STK32B: variants seen among roughly 807,000 people sequenced by gnomAD.
The protein encoded by STK32B is serine/threonine kinase 32B, also known as serine/threonine-protein kinase 32B.
A neutral mutation model predicts 52.6 loss-of-function variants in STK32B; 43 were observed. The observed-to-expected ratio is 0.82, with a 90% CI of 0.64 to 1.05. The LOEUF (loss-of-function observed/expected upper bound fraction) is 1.05. Among genes scored for constraint, STK32B ranks in the 50% least tolerant of loss-of-function variants. STK32B has a pLI of 0.00. For missense variants in STK32B, 621 were observed against 534.6 expected, an observed-to-expected ratio of 1.16 and a Z score of -1.59; for synonymous variants, 238 against 204.3, an observed-to-expected ratio of 1.17 and a Z score of -1.41.
chr4:5,491,992 TA>T (rs1311701909), intron 11 of STK32B, among the ~76,000 whole-genome samples: 2 of 152,176 alleles, frequency 1.3e-5, no homozygotes, highest in Non-Finnish European at 2.9e-5. Flanking sequence ...CCTTGTAGTA[TA>T]GTTTGAAGTC....
chr4:5,077,183 C>G (rs11733367), intron 1 of STK32B, among the ~76,000 whole-genome samples: 9 of 152,082 alleles, frequency 5.9e-5, no homozygotes, highest in Non-Finnish European at 1.2e-4. Context: ...TAATATTTGT[C>G]GAATGAATAA....
intron 3 of STK32B, among the ~76,000 whole-genome samples, chr4:5,258,225 C>T (rs1174303702): frequency 6.6e-6 from 1 of 152,192 alleles, no homozygotes; most frequent in Non-Finnish European, 1.5e-5. Flanking sequence ...AGAAGTGACA[C>T]ATCTGAGTTA....
chr4:5,099,494 G>A (rs1713603172), intron 1 of STK32B, among the ~76,000 whole-genome samples: 1 of 147,500 alleles, frequency 6.8e-6, no homozygotes, highest in Non-Finnish European at 1.5e-5. Flanking sequence ...TGGAGTAAAA[G>A]GCTGCCTGTG....
chr4:5,265,977 T>G (rs1727030924), intron 3 of STK32B, among the ~76,000 whole-genome samples: 1 of 152,206 alleles, frequency 6.6e-6, no homozygotes, highest in African/African-American at 2.4e-5. Flanking sequence ...ATGAGCATCT[T>G]TGTACATAAA....
intron 3 of STK32B, among the ~76,000 whole-genome samples, chr4:5,225,644 A>G (rs73797133): frequency 0.014 from 2,112 of 152,204 alleles, 53 homozygotes; most frequent in African/African-American, 0.048. Context: ...CCATTTTCAC[A>G]GCATTTAGCC....
intron 6 of STK32B, among the ~76,000 whole-genome samples, chr4:5,444,048 C>G (rs1455048344): frequency 3.3e-5 from 5 of 152,176 alleles, no homozygotes; most frequent in African/African-American, 9.6e-5. Flanking sequence ...TTACTACTGT[C>G]TTTTTGTTTG....
chr4:5,114,344 C>T (rs920148345), intron 1 of STK32B, among the ~76,000 whole-genome samples: 5 of 152,012 alleles, frequency 3.3e-5, no homozygotes, highest in Non-Finnish European at 5.9e-5. Context: ...AAGGAACCTT[C>T]CTGGACCCAG....
chr4:5,475,445 C>T (rs927221275), intron 11 of STK32B, among the ~76,000 whole-genome samples: 4 of 109,662 alleles, frequency 3.6e-5, no homozygotes, highest in Non-Finnish European at 3.7e-5. Flanking sequence ...AAAAAAAAAG[C>T]GTGACTGGCT....
chr4:5,467,797 G>A lies in STK32B; in HGVS notation c.1042-209G>A, dbSNP rs777234324. Among the ~76,000 whole-genome samples the A allele has an allele frequency of 2.6e-5, 4 of 152,226 alleles. No homozygotes were observed. The highest frequency in any genetic ancestry group is 3.4e-3 in the Middle Eastern group (1 of 294). On this transcript the variant is annotated intron_variant, in intron 10 of 11. Coordinates refer to ENST00000282908, the MANE Select transcript of STK32B (RefSeq NM_018401.3). This position sits in a 1 kb window ranked among gnomAD's most constrained non-coding sequence, Gnocchi z 5.8. ...TTTAAGTTGGATTTCATGGCTTAAC[G>A]TGGAGAAAAGCATCTTTGTCCACCA...
chr4:5,175,318 C>T (rs759282235), intron 3 of STK32B, among the ~76,000 whole-genome samples: 1 of 152,316 alleles, frequency 6.6e-6, no homozygotes, highest in Non-Finnish European at 1.5e-5. Flanking sequence ...AAGTTATTCT[C>T]TGTCCAGCTT....
intron 3 of STK32B, among the ~76,000 whole-genome samples, chr4:5,328,333 A>G (rs1732009744): frequency 6.6e-6 from 1 of 152,212 alleles, no homozygotes; most frequent in Admixed American, 6.5e-5. Context: ...CTATCTTGGC[A>G]TTTGGCATGT....
chr4:5,403,180 T>C (rs1172957746), intron 5 of STK32B, among the ~76,000 whole-genome samples: 1 of 152,172 alleles, frequency 6.6e-6, no homozygotes, highest in East Asian at 1.9e-4. Context: ...AAGGCACACT[T>C]TTCAGATGCC....
At chr4:5,217,404 A>G (rs1723246378) in intron 3 of STK32B, among the ~76,000 whole-genome samples, 1 of 152,214 alleles carries the variant, frequency 6.6e-6, no homozygotes, top group Non-Finnish European at 1.5e-5. Context: ...GGGAGGATGC[A>G]TTAAAAATGA....
intron 3 of STK32B, among the ~76,000 whole-genome samples, chr4:5,299,580 A>G (rs1451100290): frequency 6.6e-6 from 1 of 152,114 alleles, no homozygotes; most frequent in African/African-American, 2.4e-5. Context: ...GGTTGTAGGT[A>G]TGTGGCTTTA....
chr4:5,110,818 AACAG>A (rs932669466), intron 1 of STK32B, among the ~76,000 whole-genome samples: 4 of 152,140 alleles, frequency 2.6e-5, no homozygotes, highest in Admixed American at 2.0e-4. Flanking sequence ...CAACAGAATA[AACAG>A]ACAGCCTACA....
chr4:5,232,392 C>T (rs1724333620), intron 3 of STK32B, among the ~76,000 whole-genome samples: 1 of 152,192 alleles, frequency 6.6e-6, no homozygotes. Flanking sequence ...TCTGCACTTT[C>T]AACTCTACCG....
intron 11 of STK32B, among the ~76,000 whole-genome samples, chr4:5,473,872 T>G (rs1718028765): frequency 6.6e-6 from 1 of 152,116 alleles, no homozygotes; most frequent in South Asian, 2.1e-4. Context: ...CCCAGCACTT[T>G]GGGAGGCCGA....
At chr4:5,199,894 G>C (rs894221619) in intron 3 of STK32B, among the ~76,000 whole-genome samples, 3 of 152,028 alleles carry the variant, frequency 2.0e-5, no homozygotes, top group African/African-American at 7.2e-5. Flanking sequence ...TGCTTTTCCT[G>C]GGGAACTAGA....
intron 3 of STK32B, among the ~76,000 whole-genome samples, chr4:5,221,045 A>G (rs1028828861): frequency 2.0e-5 from 3 of 152,140 alleles, no homozygotes; most frequent in African/African-American, 7.2e-5. Flanking sequence ...AATAATTGTC[A>G]TATTGAAGTT....
Sources: allele counts gnomAD v4.1 joint callset (sites outside exome capture counted in the v4.1 genomes callset), GRCh38; gene constraint gnomAD v4.1.1; non-coding constraint Gnocchi (gnomAD v3.1); transcripts MANE v1.5; gene names NCBI Gene and HGNC (gene_info 2026-07-23, HGNC 2026-07-21).